Variants in BAIAP2 observed in about 807,000 individuals in gnomAD.
The protein encoded by BAIAP2 is BAR/IMD domain-containing adapter protein 2.
BAIAP2 carries 18 observed loss-of-function variants against 63.0 expected under a neutral mutation model. The observed-to-expected ratio is 0.29, with a 90% CI of 0.20 to 0.42. The LOEUF (loss-of-function observed/expected upper bound fraction) is 0.42. BAIAP2 is among the 10% of genes least tolerant of loss of function. BAIAP2 has a pLI of 1.00. For missense variants in BAIAP2, 610 were observed against 734.3 expected (o/e 0.83, Z 1.96); for synonymous variants, 386 against 307.6 (o/e 1.25, Z -2.67).
intron 6 of BAIAP2, among the ~76,000 whole-genome samples, chr17:81,090,465 G>A (rs1388548758): frequency 1.3e-5 from 2 of 152,242 alleles, no homozygotes; most frequent in East Asian, 1.9e-4. Flanking sequence ...CCAAGTCACC[G>A]AGTTTCTTCA....
chr17:81,096,389 A>C (rs1188515277), intron 6 of BAIAP2, among the ~76,000 whole-genome samples: 1 of 152,110 alleles, frequency 6.6e-6, no homozygotes, highest in Non-Finnish European at 1.5e-5. Flanking sequence ...TGCCCCACTT[A>C]AGGGATTCTG....
chr17:81,107,529 C>T (rs1332901234), intron 12 of BAIAP2: 2 of 152,430 alleles, frequency 1.3e-5, no homozygotes, highest in Non-Finnish European at 2.9e-5. Context: ...TGCATCTCAA[C>T]TTGCCGGGTT....
chr17:81,050,469 C>G (rs191284991), intron 1 of BAIAP2, among the ~76,000 whole-genome samples: 1 of 152,202 alleles, frequency 6.6e-6, no homozygotes, highest in Admixed American at 6.5e-5. Flanking sequence ...CCGTGCTGAC[C>G]CGCCGTGGTT....
chr17:81,077,396 C>T (rs1180044351), intron 3 of BAIAP2, among the ~76,000 whole-genome samples: 8 of 151,906 alleles, frequency 5.3e-5, no homozygotes, highest in East Asian at 1.9e-4. Flanking sequence ...GTGAAACCCC[C>T]GTCCCTGCTA....
intron 3 of BAIAP2, among the ~76,000 whole-genome samples, chr17:81,074,274 G>A (rs1478952846): frequency 6.6e-6 from 1 of 152,214 alleles, no homozygotes; most frequent in Non-Finnish European, 1.5e-5. Context: ...AAAAGTGCCT[G>A]TGTGTCTGTG....
intron 1 of BAIAP2, among the ~76,000 whole-genome samples, chr17:81,043,608 G>A (rs1240566328): frequency 6.6e-6 from 1 of 152,164 alleles, no homozygotes; most frequent in Non-Finnish European, 1.5e-5. Flanking sequence ...TCACACTGGA[G>A]CGTCCTGGCA....
intron 6 of BAIAP2, among the ~76,000 whole-genome samples, chr17:81,089,045 C>T (rs1322450776): frequency 6.6e-6 from 1 of 152,286 alleles, no homozygotes; most frequent in Non-Finnish European, 1.5e-5. Context: ...CACCTGGCCT[C>T]TGCCTGCCCT....
chr17:81,091,012 CAT>C (rs1306685687), intron 6 of BAIAP2, among the ~76,000 whole-genome samples: 3 of 152,112 alleles, frequency 2.0e-5, no homozygotes, highest in African/African-American at 7.2e-5. Flanking sequence ...CCCGCCTACT[CAT>C]GTGCAGCCCC....
rs773714702 is a variant in BAIAP2 at position 81,100,083 on chromosome 17, G to A, written c.642+3G>A. 4 of 1,608,222 alleles carry A rather than the reference G, an allele frequency of 2.5e-6. No homozygotes were observed. The highest frequency in any genetic ancestry group is 3.4e-6 in the Non-Finnish European group (4 of 1,178,048). ...ACTCCGCGGCCTACCACTCCAAGGT[G>A]AGGCGGCTGGGGGCTGCGCTGTGCC... On this transcript the variant is annotated splice_donor_region_variant and intron_variant, in intron 7 of 13. Coordinates refer to ENST00000428708, the MANE Select transcript of BAIAP2 (RefSeq NM_001144888.2).
chr17:81,102,842 G>C (rs1344728885), intron 7 of BAIAP2, among the ~76,000 whole-genome samples: 1 of 152,194 alleles, frequency 6.6e-6, no homozygotes, highest in African/African-American at 2.4e-5. Flanking sequence ...CCTGCAGCCT[G>C]CTTAGGCCAA....
Position 81,085,661 on chromosome 17 carries a change from C to CT in BAIAP2, c.291dup (p.His98SerfsTer29). 1 of 1,613,800 alleles carries CT rather than the reference C, an allele frequency of 6.2e-7. No individual in the cohort carries two copies. The highest frequency in any genetic ancestry group is 8.5e-7 in the Non-Finnish European group (1 of 1,179,914). On this transcript the variant is annotated frameshift_variant, in exon 5 of 14. Transcript: ENST00000428708. LOFTEE classifies it high-confidence loss of function. The stretch of plus-strand genomic sequence containing the variant: ...TTTTCTCTCCATGTCCAGCTGAAGT[C>CT]TTTTCACAACGAGCTGCTTACGCAG...
intron 6 of BAIAP2, among the ~76,000 whole-genome samples, chr17:81,090,745 C>T (rs547088660): frequency 7.2e-5 from 11 of 152,304 alleles, no homozygotes; most frequent in Non-Finnish European, 1.2e-4. Flanking sequence ...CCCCGAGCTG[C>T]GGGGAGGCTG....
intron 9 of BAIAP2, 141 bp downstream of exon 9, chr17:81,104,249 G>T: frequency 1.0e-6 from 1 of 968,306 alleles, no homozygotes; most frequent in Non-Finnish European, 1.5e-6. Flanking sequence ...CATGCATGTG[G>T]TACACACACG....
intron 1 of BAIAP2, among the ~76,000 whole-genome samples, chr17:81,049,514 T>C (rs1021539233): frequency 2.0e-5 from 3 of 152,206 alleles, no homozygotes; most frequent in African/African-American, 7.2e-5. Flanking sequence ...CTTCCCCTTT[T>C]AAAGCCCACA....
At chr17:81,047,527 C>A (rs1487401369) in intron 1 of BAIAP2, among the ~76,000 whole-genome samples, 1 of 152,254 alleles carries the variant, frequency 6.6e-6, no homozygotes, top group Admixed American at 6.5e-5. Flanking sequence ...CATGAGTGCA[C>A]ATGCACAGGT....
At chr17:81,066,514 A>G (rs12943637) in intron 3 of BAIAP2, among the ~76,000 whole-genome samples, 90,207 of 152,096 alleles carry the variant, frequency 0.59, 26,835 homozygotes, top group South Asian at 0.64. Context: ...GGGCCCCCAC[A>G]GGTCAGGTGG....
intron 10 of BAIAP2, chr17:81,105,568 G>A (rs2059085114): frequency 6.3e-6 from 1 of 157,612 alleles, no homozygotes; most frequent in Non-Finnish European, 1.4e-5. Context: ...ACCCTCGCTG[G>A]ACCTGGGGGC....
chr17:81,040,300 G>A (rs11650945), intron 1 of BAIAP2, among the ~76,000 whole-genome samples: 115,998 of 152,242 alleles, frequency 0.76, 44,431 homozygotes, highest in Middle Eastern at 0.84. Context: ...GCACTTGGGC[G>A]GCCGGCGCCG....
intron 4 of BAIAP2, chr17:81,085,275 T>G: frequency 2.0e-6 from 1 of 496,436 alleles, no homozygotes; most frequent in East Asian, 3.8e-5. Flanking sequence ...GGCGGCTGGT[T>G]TGCAGCATCC....
Sources: allele counts gnomAD v4.1 joint callset (sites outside exome capture counted in the v4.1 genomes callset), GRCh38; gene constraint gnomAD v4.1.1; transcripts MANE v1.5; gene names NCBI Gene and HGNC (gene_info 2026-07-23, HGNC 2026-07-21).